Variants in NRXN1 observed in about 807,000 individuals in gnomAD.
NRXN1 encodes neurexin-1.
NRXN1 carries 39 observed loss-of-function variants against 150.9 expected under a neutral mutation model. The ratio of observed to expected loss-of-function variants is 0.26; its 90% confidence interval spans 0.20 to 0.34. The LOEUF (loss-of-function observed/expected upper bound fraction) is 0.34, where lower values mean the gene tolerates loss of function less well. Among genes scored for constraint, NRXN1 ranks in the 10% least tolerant of loss-of-function variants. The pLI is 1.00. For synonymous variants in NRXN1, 924 were observed against 757.0 expected, an observed-to-expected ratio of 1.22 and a Z score of -3.62; for missense variants, 1,815 against 1,949.9, an observed-to-expected ratio of 0.93 and a Z score of 1.30.
chr2:50,007,918 A>C (rs1472487513), intron 21 of NRXN1, among the ~76,000 whole-genome samples: 1 of 152,088 alleles, frequency 6.6e-6, no homozygotes, highest in Non-Finnish European at 1.5e-5. Context: ...TTTTAATGGT[A>C]AGTGTTATTC....
chr2:49,974,877 C>G (rs1678676112), intron 21 of NRXN1, among the ~76,000 whole-genome samples: 1 of 151,278 alleles, frequency 6.6e-6, no homozygotes, highest in African/African-American at 2.4e-5. Context: ...ATCCTGTTTC[C>G]CAAAGCCTGA....
At chr2:51,019,237 G>C (rs1288448248) in intron 2 of NRXN1, among the ~76,000 whole-genome samples, 6 of 151,990 alleles carry the variant, frequency 3.9e-5, no homozygotes, top group Non-Finnish European at 7.4e-5. Context: ...ACGAGCTACT[G>C]AACTTTTAGC....
intron 5 of NRXN1, among the ~76,000 whole-genome samples, chr2:50,705,775 T>A (rs1048390182): frequency 6.6e-6 from 1 of 152,184 alleles, no homozygotes; most frequent in African/African-American, 2.4e-5. Context: ...ACACCGCTGA[T>A]GAGCCCATGC....
chr2:50,531,178 A>T, intron 11 of NRXN1, 49 bp downstream of exon 11: 1 of 1,491,798 alleles, frequency 6.7e-7, no homozygotes, highest in Non-Finnish European at 9.2e-7. Flanking sequence ...AGGCAAATTG[A>T]ACAAAAAGTA....
intron 17 of NRXN1, among the ~76,000 whole-genome samples, chr2:50,237,843 T>A (rs2065610583): frequency 6.6e-6 from 1 of 152,008 alleles, no homozygotes; most frequent in Non-Finnish European, 1.5e-5. Flanking sequence ...AAACCCCATA[T>A]GTTGAGGGCA....
intron 5 of NRXN1, among the ~76,000 whole-genome samples, chr2:50,738,648 A>G (rs887406761): frequency 7.2e-5 from 11 of 152,184 alleles, no homozygotes; most frequent in Admixed American, 4.6e-4. Flanking sequence ...TAAATTGGCA[A>G]TCCGATAAAA....
At chr2:50,602,616 T>C (rs1041068969) in intron 8 of NRXN1, among the ~76,000 whole-genome samples, 1 of 152,160 alleles carries the variant, frequency 6.6e-6, no homozygotes, top group Non-Finnish European at 1.5e-5. Context: ...TTTCTCTCCC[T>C]TTCTGCCCCC....
chr2:50,554,256 C>T (rs1667915834), intron 8 of NRXN1, among the ~76,000 whole-genome samples: 2 of 152,042 alleles, frequency 1.3e-5, no homozygotes, highest in Non-Finnish European at 2.9e-5. Flanking sequence ...AAAAATAAGA[C>T]AGCCTGTATC....
intron 8 of NRXN1, among the ~76,000 whole-genome samples, chr2:50,605,256 T>A (rs1007780525): frequency 6.6e-6 from 1 of 152,224 alleles, no homozygotes; most frequent in African/African-American, 2.4e-5. Context: ...ATTAAAGGCA[T>A]TGTAATTCAT....
Position 50,171,869 on chromosome 2 carries a change from T to C in NRXN1, c.3546+64920A>G, listed in dbSNP as rs558181897. ...GCTCTAGATTTATTTCCCTGGTCAC[T>C]GACTATCTGAAAACTAATTTTGGTT... On this transcript the variant is annotated intron_variant, in intron 18 of 22. Coordinates refer to ENST00000401669, the MANE Select transcript of NRXN1 (RefSeq NM_001330078.2). Among the ~76,000 whole-genome samples, 254 of 152,300 alleles carry C rather than the reference T, an allele frequency of 1.7e-3. 2 individuals are homozygous for C. The highest frequency in any genetic ancestry group is 3.2e-3 in the Non-Finnish European group (216 of 68,022).
At chr2:50,413,340 A>G (rs2083319931) in intron 17 of NRXN1, among the ~76,000 whole-genome samples, 1 of 152,240 alleles carries the variant, frequency 6.6e-6, no homozygotes, top group South Asian at 2.1e-4. Context: ...AAAGTGTTCA[A>G]TATCACAGAT....
At chr2:49,993,427 A>G (rs1019222899) in intron 21 of NRXN1, among the ~76,000 whole-genome samples, 1 of 152,232 alleles carries the variant, frequency 6.6e-6, no homozygotes, top group Non-Finnish European at 1.5e-5. Flanking sequence ...AATAGGCAGA[A>G]CATAGAGGAT....
intron 17 of NRXN1, among the ~76,000 whole-genome samples, chr2:50,373,905 T>G (rs2080291813): frequency 1.3e-5 from 2 of 152,072 alleles, no homozygotes; most frequent in Admixed American, 1.3e-4. Context: ...ATTAAAATAT[T>G]TGCAGGTAGA....
At chr2:50,432,560 A>C (rs1315885272) in intron 17 of NRXN1, among the ~76,000 whole-genome samples, 5 of 152,232 alleles carry the variant, frequency 3.3e-5, no homozygotes, top group Admixed American at 3.3e-4. Flanking sequence ...AAATAAAGCC[A>C]GTCTGGATTG....
At chr2:50,942,715 T>C (rs549283360) in intron 2 of NRXN1, among the ~76,000 whole-genome samples, 1 of 152,282 alleles carries the variant, frequency 6.6e-6, no homozygotes, top group East Asian at 1.9e-4. Flanking sequence ...CCATTGTATC[T>C]TGAAAGTAAC....
chr2:50,510,251 G>A lies in NRXN1; in HGVS notation c.2375-3634C>T, dbSNP rs72835345. Reference sequence around the variant, plus strand: ...GTCTGTAATCCCAGCATTTTGTGAAGTTGAGGCGGGAGAATCACGAGGTCA... The same window carrying A: ...GTCTGTAATCCCAGCATTTTGTGAAATTGAGGCGGGAGAATCACGAGGTCA... On this transcript the variant is annotated intron_variant, in intron 12 of 22. Transcript: ENST00000401669. Among the ~76,000 whole-genome samples the A allele has an allele frequency of 8.0e-3, 1,222 of 152,144 alleles. 5 individuals are homozygous for A. The highest frequency in any genetic ancestry group is 0.026 in the South Asian group (126 of 4,814).
At chr2:50,682,280 C>T (rs1470629582) in intron 5 of NRXN1, among the ~76,000 whole-genome samples, 1 of 152,152 alleles carries the variant, frequency 6.6e-6, no homozygotes, top group Non-Finnish European at 1.5e-5. Flanking sequence ...TAAAAAGAAT[C>T]ATATTTTCTT....
At chr2:50,252,657 C>T (rs1051150738) in intron 17 of NRXN1, among the ~76,000 whole-genome samples, 1 of 152,164 alleles carries the variant, frequency 6.6e-6, no homozygotes, top group Non-Finnish European at 1.5e-5. Context: ...GTTTTCCCAA[C>T]ACCATTTATT....
At chr2:50,260,281 C>T (rs2068117566) in intron 17 of NRXN1, among the ~76,000 whole-genome samples, 1 of 151,768 alleles carries the variant, frequency 6.6e-6, no homozygotes, top group Non-Finnish European at 1.5e-5. Context: ...TGAAAATTTT[C>T]ATGATTTTTG....
Sources: allele counts gnomAD v4.1 joint callset (sites outside exome capture counted in the v4.1 genomes callset), GRCh38; gene constraint gnomAD v4.1.1; transcripts MANE v1.5; gene names NCBI Gene and HGNC (gene_info 2026-07-23, HGNC 2026-07-21).